The following INTS1 variants were observed in gnomAD, a reference collection of about 807,000 sequenced individuals.
INTS1 encodes the protein integrator complex subunit 1.
A neutral mutation model predicts 241.6 loss-of-function variants in INTS1; 137 were observed. The observed-to-expected ratio is 0.57, with a 90% CI of 0.49 to 0.65. The LOEUF (loss-of-function observed/expected upper bound fraction) is 0.65, where lower values mean the gene tolerates loss of function less well. Among genes scored for constraint, INTS1 ranks in the 30% least tolerant of loss-of-function variants. The probability of loss-of-function intolerance (pLI) is 0.00; values close to 1 mark genes in which losing one functional copy is unlikely to be tolerated. For synonymous variants in INTS1, 1,692 were observed against 1,337.8 expected, an observed-to-expected ratio of 1.26 and a Z score of -5.78; for missense variants, 3,073 against 3,032.2, an observed-to-expected ratio of 1.01 and a Z score of -0.32.
rs760349943 is a variant in INTS1, at chr7:1,470,535, C to T, written c.*42G>A. On this transcript the variant is annotated 3_prime_UTR_variant, in exon 48 of 48. Transcript: ENST00000404767. ...GCTTTGCCTCGAGGATCCCCGGGGACGGGACGGGCCGGGGCTTGGAGGGGG... is the reference window on the plus strand; with the variant it reads ...GCTTTGCCTCGAGGATCCCCGGGGATGGGACGGGCCGGGGCTTGGAGGGGG... 90 of 1,422,604 alleles carry T rather than the reference C, an allele frequency of 6.3e-5. 1 individual carries two copies. The East Asian group carries it at 1.1e-3, about 17-fold the overall frequency. The allele number at this position is 1,422,604 out of a possible 1,614,324, so 88.1% of individuals were successfully genotyped here.
chr7:1,477,442 G>A (rs927522745), intron 35 of INTS1, 108 bp downstream of exon 35: 10 of 1,301,476 alleles, frequency 7.7e-6, no homozygotes, highest in Admixed American at 5.9e-5. Context: ...AGCAGGGGGG[G>A]TGCTGGGGCC....
intron 26 of INTS1, chr7:1,482,943 G>A (rs980224534): frequency 3.1e-5 from 17 of 553,942 alleles, no homozygotes; most frequent in Middle Eastern, 4.8e-4. Flanking sequence ...CCATTTTGTC[G>A]TGGCCAAGGG....
In INTS1 at chr7:1,499,525, C is replaced by G. The variant is rs2128544643; in HGVS notation, c.792G>C (p.Arg264Ser). 6.2e-7 allele frequency: 1 copy of G among 1,612,704 alleles called. No homozygotes were observed. Among genetic ancestry groups the G allele is most frequent in the Non-Finnish European group, 8.5e-7 (1 of 1,179,414 alleles). ...QTAFNTRMPP[R>S]SVLLQGEAGR... Reference sequence around the variant, plus strand: ...CCGCCTCCCCCTGCAGCAGCACGCTCCTGGGGGGCATTCTGGTGTTGAAGG... The same window carrying G: ...CCGCCTCCCCCTGCAGCAGCACGCTGCTGGGGGGCATTCTGGTGTTGAAGG... Residue 264 changes from arginine (R) to serine (S), a missense_variant, in exon 6 of 48, where the codon AGG (arginine) becomes AGC (serine). Arg to Ser is a moderately radical substitution (Grantham distance 110). Transcript: ENST00000404767.
At chr7:1,492,329 G>A (rs535895983) in intron 16 of INTS1, among the ~76,000 whole-genome samples, 3 of 152,260 alleles carry the variant, frequency 2.0e-5, no homozygotes, top group African/African-American at 7.2e-5. Context: ...GCCCGGGGAA[G>A]GAGGCTGGTC....
chr7:1,481,510 A>G lies in INTS1; in HGVS notation c.3704-22T>C. ...AGGGCTGAGGGTGCACGCGCTCCGT[A>G]ACGCCACCCAAAACCCGGGCAATGC... On this transcript the variant is annotated intron_variant, in intron 27 of 47. Transcript: ENST00000404767. The surrounding 1 kb of genome is among the most constrained non-coding windows in gnomAD (Gnocchi z 6.8). 2 of 1,588,120 alleles carry G rather than the reference A, an allele frequency of 1.3e-6. No individual in the cohort carries two copies. The highest frequency in any genetic ancestry group is 1.1e-5 in the South Asian group (1 of 89,368).
At chr7:1,472,619 G>A (rs905421371) in intron 43 of INTS1, among the ~76,000 whole-genome samples, 1 of 152,226 alleles carries the variant, frequency 6.6e-6, no homozygotes, top group African/African-American at 2.4e-5. Flanking sequence ...TGTGGGCCAG[G>A]ACCCACTGGG....
chr7:1,484,665 G>A (rs79715558), intron 24 of INTS1, among the ~76,000 whole-genome samples: 1,866 of 152,322 alleles, frequency 0.012, 39 homozygotes, highest in African/African-American at 0.041. Context: ...AACCCTCCTG[G>A]CGTCGGGGAG....
In INTS1 at chr7:1,498,789, C is replaced by A. The variant is rs762137304; in HGVS notation, c.1201G>T (p.Glu401Ter). 1.3e-6 allele frequency: 2 copies of A among 1,599,370 alleles called. No individual in the cohort carries two copies. The highest frequency in any genetic ancestry group is 1.7e-6 in the Non-Finnish European group (2 of 1,173,390). ...AGGTGTGAGATGACGTCCATGTCTT[C>A]GGAACCGTGCGTGTTGCAGTTCATG... ...VCMNCNTHGSEDMDVISHLIK... is the reference protein window; with the variant it reads ...VCMNCNTHGS Residue 401 changes from glutamate to a stop codon, truncating the protein, a stop_gained, in exon 9 of 48, where the codon GAA becomes TAA. Coordinates refer to ENST00000404767, the MANE Select transcript of INTS1 (RefSeq NM_001080453.3). LOFTEE classifies it high-confidence loss of function.
In INTS1 at chr7:1,495,522, C is replaced by G; in HGVS notation, c.1743G>C (p.Gln581His). 1.9e-6 allele frequency: 3 copies of G among 1,612,320 alleles called. No homozygotes were observed. The highest frequency in any genetic ancestry group is 1.7e-6 in the Non-Finnish European group (2 of 1,179,636). Residue 581 changes from glutamine (Q) to histidine (H), a missense_variant, in exon 13 of 48, where the codon CAG becomes CAC. Gln to His is a conservative substitution (Grantham distance 24). Transcript: ENST00000404767. ...CGGCATCCCGCTGGATGGCGGCAATCTGGTTCTGGAATGAGCGGAGCACTT... is the reference window on the plus strand; with the variant it reads ...CGGCATCCCGCTGGATGGCGGCAATGTGGTTCTGGAATGAGCGGAGCACTT... ...NLEVLRSFQN[Q>H]IAAIQRDAVW...
intron 22 of INTS1, among the ~76,000 whole-genome samples, chr7:1,485,986 G>A (rs1354174492): frequency 1.3e-5 from 2 of 152,044 alleles, no homozygotes; most frequent in African/African-American, 4.8e-5. Flanking sequence ...ATTTTTTGTA[G>A]AGATGGGTAT....
At position 1,496,256 on chromosome 7, in the gene INTS1, G is replaced by A. The variant is rs185829038; in HGVS notation, c.1611C>T (p.Phe537=). Residue 537 remains phenylalanine, a synonymous_variant, in exon 12 of 48, where the codon TTC becomes TTT. Transcript: ENST00000404767. The part of the protein sequence containing the change: ...QYLEMEFKER[F]VVHITDVLAV... ...CCAGGACGTCGGTGATGTGCACCAC[G>A]AAGCGCTCCTGCAGGTGCAGCACGG... 36 of 1,613,644 alleles carry A rather than the reference G, an allele frequency of 2.2e-5. No individual in the cohort carries two copies. In the Admixed American group the frequency reaches 3.0e-4, roughly 13 times the overall value.
At chr7:1,498,930 G>GGCCCCCCCCCCCCC in intron 8 of INTS1, 45 bp downstream of exon 8, 2 of 1,460,180 alleles carry the variant, frequency 1.4e-6, no homozygotes, top group Non-Finnish European at 1.9e-6. Flanking sequence ...CACAGAGCCT[G>GGCCCCCCCCCCCCC]CCCCCACCCC....
Position 1,498,446 on chromosome 7 carries a change from G to C in INTS1, c.1391C>G (p.Thr464Ser), listed in dbSNP as rs1782969073. 11 of 1,613,894 alleles carry C rather than the reference G, an allele frequency of 6.8e-6. No individual in the cohort carries two copies. Among genetic ancestry groups the C allele is most frequent in the Non-Finnish European group, 9.3e-6 (11 of 1,179,872 alleles). The change falls in exon 10 of 48, where the codon ACC becomes AGC. Residue 464 changes from threonine (T) to serine (S), a missense_variant. Coordinates refer to ENST00000404767, the MANE Select transcript of INTS1 (RefSeq NM_001080453.3). Reference protein sequence around the residue: ...RNPNNMQVLYTALQHSSELAP... With the variant: ...RNPNNMQVLYSALQHSSELAP... Reference sequence around the variant, plus strand: ...CAGCTCTGAGCTGTGCTGCAGTGCGGTATAGAGGACCTGCATGTTGTTCGG... The same window carrying C: ...CAGCTCTGAGCTGTGCTGCAGTGCGCTATAGAGGACCTGCATGTTGTTCGG...
chr7:1,500,445 G>A (rs921890234), intron 3 of INTS1, 79 bp from the exon 4 acceptor site: 16 of 1,401,516 alleles, frequency 1.1e-5, no homozygotes, highest in Middle Eastern at 2.5e-4. Flanking sequence ...GGAAGACCAC[G>A]AGGAACCCAG....
chr7:1,498,346 C>T (rs778919077), intron 10 of INTS1, 66 bp downstream of exon 10: 35 of 1,589,038 alleles, frequency 2.2e-5, no homozygotes, highest in Non-Finnish European at 8.6e-6. Context: ...CCAGACGCCA[C>T]GTGCCCCTCC....
rs941162132 is a variant in INTS1, at chr7:1,477,276, G to C, written c.4938+274C>G. ...GGCCCCTACATGATCTACAGGGTTT[G>C]GCAGGGCCGACCCCACCCCATCCAC... On this transcript the variant is annotated intron_variant, in intron 35 of 47. Coordinates refer to ENST00000404767, the MANE Select transcript of INTS1 (RefSeq NM_001080453.3). Among the ~76,000 whole-genome samples the C allele has an allele frequency of 2.0e-5, 3 of 152,196 alleles. No individual in the cohort carries two copies. In the East Asian group the frequency reaches 5.8e-4, roughly 29 times the overall value.
chr7:1,488,074 C>T, intron 18 of INTS1, 117 bp from the exon 19 acceptor site: 3 of 1,112,948 alleles, frequency 2.7e-6, no homozygotes, highest in Non-Finnish European at 4.0e-6. Context: ...CTCTGCTGCA[C>T]AGCAGTCAGG....
Position 1,487,530 on chromosome 7 carries a change from T to C in INTS1, c.2517-81A>G. ...AACCCCTCCTCCTCCCATCCCTGCT[T>C]CGAGGGGCAGCCGACAGCCCGAGAC... On this transcript the variant is annotated intron_variant, in intron 19 of 47. Coordinates refer to ENST00000404767, the MANE Select transcript of INTS1 (RefSeq NM_001080453.3). 2.0e-6 allele frequency: 3 copies of C among 1,501,106 alleles called. No homozygotes were observed. In the South Asian group the frequency reaches 3.8e-5, roughly 19 times the overall value. The allele number at this position is 1,501,106 out of a possible 1,614,324, so 93.0% of individuals were successfully genotyped here.
At chr7:1,478,645 G>A (rs1237619505) in intron 32 of INTS1, 81 bp downstream of exon 32, 2 of 1,488,042 alleles carry the variant, frequency 1.3e-6, no homozygotes, top group African/African-American at 1.4e-5. Context: ...CCAGGCCTCG[G>A]GGTGCCAGGC....
Sources: gnomAD v4.1 joint callset for allele counts (sites outside exome capture counted in the v4.1 genomes callset) on GRCh38, gnomAD v4.1.1 for gene constraint, Gnocchi (gnomAD v3.1) non-coding constraint, MANE v1.5 for transcripts, NCBI Gene and HGNC (gene_info 2026-07-23, HGNC 2026-07-21) for gene names.